The following CADPS2 variants were observed in gnomAD, a reference collection of about 807,000 sequenced individuals.
CADPS2 encodes calcium-dependent secretion activator 2.
CADPS2 carries 93 observed loss-of-function variants against 172.5 expected under a neutral mutation model. The ratio of observed to expected loss-of-function variants is 0.54; its 90% CI spans 0.46 to 0.64. The LOEUF is 0.64. Ranked by LOEUF, CADPS2 falls within the 30% of genes least tolerant of loss-of-function variation. The pLI is 0.00. For missense variants in CADPS2, 1,420 were observed against 1,565.9 expected, an observed-to-expected ratio of 0.91 and a Z score of 1.57; for synonymous variants, 546 against 555.2, an observed-to-expected ratio of 0.98 and a Z score of 0.23.
At chr7:122,411,107 C>G (rs1055517613) in intron 19 of CADPS2, among the ~76,000 whole-genome samples, 1 of 152,150 alleles carries the variant, frequency 6.6e-6, no homozygotes, top group Non-Finnish European at 1.5e-5. Flanking sequence ...CTCCATCCAT[C>G]CATCCATCCA....
chr7:122,514,070 C>T (rs780915739), intron 8 of CADPS2, among the ~76,000 whole-genome samples: 1 of 151,972 alleles, frequency 6.6e-6, no homozygotes, highest in Non-Finnish European at 1.5e-5. Flanking sequence ...AAATGATATA[C>T]TGAAATATCA....
intron 8 of CADPS2, among the ~76,000 whole-genome samples, chr7:122,551,648 A>G (rs2064317391): frequency 6.6e-6 from 1 of 152,086 alleles, no homozygotes; most frequent in Non-Finnish European, 1.5e-5. Flanking sequence ...TTATCCTCCA[A>G]TTTATTTTTA....
chr7:122,554,109 C>T (rs1400819342), intron 8 of CADPS2, among the ~76,000 whole-genome samples: 2 of 152,138 alleles, frequency 1.3e-5, no homozygotes, highest in South Asian at 2.1e-4. Flanking sequence ...ACTCATATCC[C>T]TCTTGTTAAA....
At chr7:122,680,137 CAAAAAAAG>C (rs1564046651) in intron 2 of CADPS2, among the ~76,000 whole-genome samples, 1 of 151,942 alleles carries the variant, frequency 6.6e-6, no homozygotes, top group Non-Finnish European at 1.5e-5. Flanking sequence ...TCTTGGCACA[CAAAAAAAG>C]TACAATATCT....
intron 6 of CADPS2, among the ~76,000 whole-genome samples, chr7:122,614,340 T>A (rs1409883416): frequency 6.6e-6 from 1 of 152,136 alleles, no homozygotes; most frequent in Admixed American, 6.6e-5. Context: ...CTATCCTGCC[T>A]GCTCTAAAGA....
chr7:122,554,558 C>T lies in CADPS2; in HGVS notation c.1467G>A (p.Lys489=), dbSNP rs778703204. Residue 489 remains lysine, a synonymous_variant, in exon 8 of 30, where the codon AAG becomes AAA. Transcript: ENST00000449022. ...AVRMDKPAHM[K]HSGYLYALGQ... The stretch of plus-strand genomic sequence containing the variant: ...CTCAAATTTATACTCACCCACTATG[C>T]TTCATATGTGCTGGTTTATCCATTC... 1.9e-6 allele frequency: 3 copies of T among 1,596,098 alleles called. No individual in the cohort carries two copies. Among genetic ancestry groups the T allele is most frequent in the Non-Finnish European group, 1.7e-6 (2 of 1,173,722 alleles).
intron 2 of CADPS2, among the ~76,000 whole-genome samples, chr7:122,722,066 C>T (rs921647602): frequency 2.6e-5 from 4 of 152,126 alleles, no homozygotes; most frequent in African/African-American, 9.7e-5. Context: ...CTATCTATGA[C>T]AAACCCACAG....
At chr7:122,428,114 C>T (rs923455804) in intron 17 of CADPS2, among the ~76,000 whole-genome samples, 1 of 152,104 alleles carries the variant, frequency 6.6e-6, no homozygotes, top group Non-Finnish European at 1.5e-5. Context: ...CAATGTGTGG[C>T]CCATGAACCA....
intron 2 of CADPS2, among the ~76,000 whole-genome samples, chr7:122,667,873 G>A (rs1189082854): frequency 6.6e-6 from 1 of 152,108 alleles, no homozygotes; most frequent in Admixed American, 6.5e-5. Context: ...GGCCATTTGA[G>A]GGAAATACAA....
At chr7:122,812,756 C>T (rs1388310838) in intron 1 of CADPS2, among the ~76,000 whole-genome samples, 1 of 152,134 alleles carries the variant, frequency 6.6e-6, no homozygotes. Flanking sequence ...ATTCATTCAA[C>T]AAATAATACA....
intron 1 of CADPS2, among the ~76,000 whole-genome samples, chr7:122,820,970 T>C (rs1803083912): frequency 6.6e-6 from 1 of 151,720 alleles, no homozygotes; most frequent in Non-Finnish European, 1.5e-5. Context: ...TCTCTACAGT[T>C]CTCATAACTT....
At chr7:122,424,981 T>A (rs946774079) in intron 17 of CADPS2, among the ~76,000 whole-genome samples, 5 of 151,950 alleles carry the variant, frequency 3.3e-5, no homozygotes, top group Non-Finnish European at 5.9e-5. Context: ...TAGCTTTTTT[T>A]AAAAAAATTA....
chr7:122,615,014 T>C (rs1014682221), intron 6 of CADPS2, among the ~76,000 whole-genome samples, 167 bp downstream of exon 6: 2 of 152,178 alleles, frequency 1.3e-5, no homozygotes, highest in African/African-American at 4.8e-5. Context: ...TATAACATCA[T>C]TATCTAGAAA....
chr7:122,587,365 G>A (rs1335903591), intron 6 of CADPS2, among the ~76,000 whole-genome samples: 2 of 152,066 alleles, frequency 1.3e-5, no homozygotes, highest in Non-Finnish European at 2.9e-5. Context: ...AACATGTGGT[G>A]TTTGGTTTTC....
In CADPS2 at chr7:122,359,695, A is replaced by AT. The variant is rs200103936; in HGVS notation, c.3504+1092dup. Among the ~76,000 whole-genome samples, 830 of 152,132 alleles carry AT rather than the reference A, an allele frequency of 5.5e-3. 26 individuals are homozygous for AT. The highest frequency in any genetic ancestry group is 0.041 in the Admixed American group (622 of 15,262). ...TGCTTTGTGGGGCTCTACATATGTGATTTTTTTCTACTTATGGTCCAGCAC... is the reference window on the plus strand; with the variant it reads ...TGCTTTGTGGGGCTCTACATATGTGATTTTTTTTCTACTTATGGTCCAGCAC... On this transcript the variant is annotated intron_variant, in intron 27 of 29. Coordinates refer to ENST00000449022, the MANE Select transcript of CADPS2 (RefSeq NM_017954.11).
intron 8 of CADPS2, among the ~76,000 whole-genome samples, chr7:122,544,411 T>G (rs2063414596): frequency 6.6e-6 from 1 of 152,212 alleles, no homozygotes; most frequent in Admixed American, 6.6e-5. Context: ...TATAGCATAC[T>G]GCCCTAAAAC....
intron 8 of CADPS2, among the ~76,000 whole-genome samples, chr7:122,548,697 GA>G (rs1028508847): frequency 2.6e-5 from 4 of 152,180 alleles, no homozygotes; most frequent in African/African-American, 7.2e-5. Flanking sequence ...GAAATAAAGT[GA>G]AAGTGCTTTC....
chr7:122,632,504 CT>C (rs1296402234), intron 3 of CADPS2, among the ~76,000 whole-genome samples: 4 of 152,128 alleles, frequency 2.6e-5, no homozygotes, highest in Non-Finnish European at 5.9e-5. Flanking sequence ...ACTTGTACAT[CT>C]TTTGAGAAGT....
chr7:122,703,814 G>A (rs2136334158), intron 2 of CADPS2, among the ~76,000 whole-genome samples: 1 of 152,246 alleles, frequency 6.6e-6, no homozygotes, highest in East Asian at 1.9e-4. Context: ...TAGATGTAGA[G>A]ACACAGACAA....
Sources: allele counts gnomAD v4.1 joint callset (sites outside exome capture counted in the v4.1 genomes callset), GRCh38; gene constraint gnomAD v4.1.1; transcripts MANE v1.5; gene names NCBI Gene and HGNC (gene_info 2026-07-23, HGNC 2026-07-21).